Variants in ZGRF1 observed in about 807,000 individuals in gnomAD.
ZGRF1 encodes the protein zinc finger GRF-type containing 1, also known as 5'-3' DNA helicase ZGRF1.
In ZGRF1, 196 loss-of-function variants were observed where a neutral mutation model predicts 203.5. The ratio of observed to expected loss-of-function variants is 0.96; its 90% confidence interval spans 0.86 to 1.08. ZGRF1 has a LOEUF of 1.08. ZGRF1 is among the 50% of genes least tolerant of loss of function. ZGRF1 has a pLI of 0.00. For missense variants in ZGRF1, 2,326 were observed against 2,416.3 expected (o/e 0.96, Z 0.78); for synonymous variants, 809 against 841.3 (o/e 0.96, Z 0.66).
chr4:112,556,167 A>G (rs1205064874), intron 20 of ZGRF1, among the ~76,000 whole-genome samples: 1 of 152,122 alleles, frequency 6.6e-6, no homozygotes, highest in Non-Finnish European at 1.5e-5. Flanking sequence ...GGGAAATTTG[A>G]AAAGTATATT....
At chr4:112,556,413 CAG>C (rs1303534527) in intron 20 of ZGRF1, among the ~76,000 whole-genome samples, 1 of 151,758 alleles carries the variant, frequency 6.6e-6, no homozygotes, top group African/African-American at 2.4e-5. Flanking sequence ...TTTTTTGAGA[CAG>C]AGTCTCACTT....
chr4:112,558,126 C>A, intron 20 of ZGRF1, 24 bp downstream of exon 20: 1 of 1,590,756 alleles, frequency 6.3e-7, no homozygotes, highest in Non-Finnish European at 8.5e-7. Flanking sequence ...ACATTAGCTA[C>A]TTAAATGCAC....
At chr4:112,543,385 T>C (rs924887302) in intron 24 of ZGRF1, among the ~76,000 whole-genome samples, 1 of 152,240 alleles carries the variant, frequency 6.6e-6, no homozygotes, top group African/African-American at 2.4e-5. Flanking sequence ...CATTTTACTA[T>C]AATTATCCCT....
chr4:112,611,831 G>A (rs773771628), intron 7 of ZGRF1, among the ~76,000 whole-genome samples: 1 of 152,194 alleles, frequency 6.6e-6, no homozygotes, highest in African/African-American at 2.4e-5. Context: ...CTGAGAAACT[G>A]CTGTGATAAA....
At position 112,603,551 on chromosome 4, in the gene ZGRF1, G is replaced by A. The variant is rs768345385; in HGVS notation, c.2949C>T (p.Ser983=). The A allele has an allele frequency of 3.7e-6, 6 of 1,613,050 alleles. No individual in the cohort carries two copies. The South Asian group carries it at 6.6e-5, about 18-fold the overall frequency. ...GCAAGAAGTCAATCTGCATACACGT[G>A]CTAGGTAACTCTGGTGTCTCTGTCA... ...NFMTETPELP[S]TCMQIDFLQV... Residue 983 remains serine, a synonymous_variant, in exon 10 of 28, where the codon AGC becomes AGT. Transcript: ENST00000505019.
At chr4:112,636,691 T>C (rs1263053275) in intron 1 of ZGRF1, 160 bp downstream of exon 1, 1 of 152,200 alleles carries the variant, frequency 6.6e-6, no homozygotes, top group Non-Finnish European at 1.5e-5. Context: ...GAGGCACCAC[T>C]TACTACAAGC....
In ZGRF1 at chr4:112,585,730, A is replaced by T; in HGVS notation, c.3917-5T>A. 1.6e-5 allele frequency: 5 copies of T among 320,394 alleles called. No homozygotes were observed. The highest frequency in any genetic ancestry group is 2.5e-5 in the Non-Finnish European group (5 of 200,220). 19.8% of individuals were successfully genotyped at this position (320,394 alleles called of 1,614,324 possible). A position where few individuals can be genotyped will look rare whatever the true frequency, so the allele number is the denominator to read the frequency against. On this transcript the variant is annotated splice_polypyrimidine_tract_variant and splice_region_variant and intron_variant, in intron 13 of 27. Coordinates refer to ENST00000505019, the MANE Select transcript of ZGRF1 (RefSeq NM_018392.5). Reference sequence around the variant, plus strand: ...ACAGCAATATATTTAGATGTTCTACAAAAAAAAAAAAAAGAGAGCAGAAAA... The same window carrying T: ...ACAGCAATATATTTAGATGTTCTACTAAAAAAAAAAAAAGAGAGCAGAAAA...
At chr4:112,620,246 TC>T in intron 4 of ZGRF1, 56 bp from the exon 5 acceptor site, 1 of 1,413,614 alleles carries the variant, frequency 7.1e-7, no homozygotes, top group South Asian at 1.3e-5. Flanking sequence ...ATCTATGTAT[TC>T]CAGGATGCTC....
Position 112,604,021 on chromosome 4 carries a change from A to C in ZGRF1, c.2803-324T>G, listed in dbSNP as rs540919014. ...GTGGATCACTTGAGGTCAGGAGTTCAAGATCAGCCTGACCAACATGGTGAA... is the reference window on the plus strand; with the variant it reads ...GTGGATCACTTGAGGTCAGGAGTTCCAGATCAGCCTGACCAACATGGTGAA... On this transcript the variant is annotated intron_variant, in intron 9 of 27. Coordinates refer to ENST00000505019, the MANE Select transcript of ZGRF1 (RefSeq NM_018392.5). Among the ~76,000 whole-genome samples the C allele has an allele frequency of 4.6e-5, 7 of 152,214 alleles. No homozygotes were observed. The East Asian group carries it at 1.4e-3, about 29-fold the overall frequency.
At chr4:112,541,070 C>A in intron 25 of ZGRF1, 22 bp downstream of exon 25, 1 of 1,555,348 alleles carries the variant, frequency 6.4e-7, no homozygotes, top group South Asian at 1.2e-5. Flanking sequence ...TGTTGACTCT[C>A]ATCAACATTA....
At chr4:112,616,438 T>C (rs950251115) in intron 6 of ZGRF1, among the ~76,000 whole-genome samples, 6 of 148,788 alleles carry the variant, frequency 4.0e-5, no homozygotes, top group Non-Finnish European at 7.4e-5. Context: ...GGCAGGAGAA[T>C]CACTTGAACC....
At chr4:112,567,936 AAAAC>A (rs1201982683) in intron 16 of ZGRF1, among the ~76,000 whole-genome samples, 5 of 152,258 alleles carry the variant, frequency 3.3e-5, no homozygotes, top group South Asian at 2.1e-4. Flanking sequence ...TTAAAAAACA[AAAAC>A]AAACAAACAA....
chr4:112,626,281 G>A (rs1175616824), intron 3 of ZGRF1, among the ~76,000 whole-genome samples: 1 of 151,386 alleles, frequency 6.6e-6, no homozygotes, highest in Non-Finnish European at 1.5e-5. Flanking sequence ...TAAAAAAATG[G>A]TATTCTTGTC....
chr4:112,599,731 G>A (rs913842859), intron 10 of ZGRF1, among the ~76,000 whole-genome samples: 2 of 151,804 alleles, frequency 1.3e-5, no homozygotes, highest in African/African-American at 4.8e-5. Flanking sequence ...AAAAAAAAAG[G>A]AAGAAAGAAA....
At chr4:112,559,180 C>G (rs758132479) in intron 19 of ZGRF1, among the ~76,000 whole-genome samples, 16 of 152,096 alleles carry the variant, frequency 1.1e-4, no homozygotes, top group Admixed American at 5.9e-4. Context: ...CTAAAGATTT[C>G]AAGCAATGGT....
At position 112,542,291 on chromosome 4, in the gene ZGRF1, G is replaced by A. The variant is rs377562708; in HGVS notation, c.5599-1023C>T. Among the ~76,000 whole-genome samples the A allele has an allele frequency of 6.8e-4, 103 of 152,190 alleles. 3 individuals carry two copies. The South Asian group carries it at 0.02, about 29-fold the overall frequency. ...CAGGAGGCAGAGGTTGCAGTGAGCCGCTCAAATGTTAAAGAAATGACTAAA... is the reference window on the plus strand; with the variant it reads ...CAGGAGGCAGAGGTTGCAGTGAGCCACTCAAATGTTAAAGAAATGACTAAA... On this transcript the variant is annotated intron_variant, in intron 24 of 27. Transcript: ENST00000505019.
At chr4:112,624,446 G>A (rs2047163362) in intron 3 of ZGRF1, among the ~76,000 whole-genome samples, 1 of 151,162 alleles carries the variant, frequency 6.6e-6, no homozygotes, top group Admixed American at 6.6e-5. Context: ...AACAGAGTGA[G>A]ACTCCATCTC....
At position 112,560,867 on chromosome 4, in the gene ZGRF1, A is replaced by T; in HGVS notation, c.4826T>A (p.Leu1609Ter). 6.2e-7 allele frequency: 1 copy of T among 1,613,804 alleles called. No individual in the cohort carries two copies. Among genetic ancestry groups the T allele is most frequent in the Non-Finnish European group, 8.5e-7 (1 of 1,179,766 alleles). ...CTTGTTTAACTTGTGTACCTGAATC[A>T]ACTCACTAGCTAACTTCAATGTTGC... ...LGATLKLASE[L>*]IQVHKLNKDQ... The change falls in exon 19 of 28, where the codon TTG (leucine) becomes TAG (stop). Residue 1609 changes from leucine (L) to a stop codon, truncating the protein, a stop_gained. Coordinates refer to ENST00000505019, the MANE Select transcript of ZGRF1 (RefSeq NM_018392.5). LOFTEE classifies it high-confidence loss of function.
rs140847408 is a variant in ZGRF1 at position 112,612,580 on chromosome 4, G to A, written c.2611C>T (p.Pro871Ser). 31 of 1,596,200 alleles carry A rather than the reference G, an allele frequency of 1.9e-5. No individual in the cohort carries two copies. The Middle Eastern group carries it at 5.5e-4, about 29-fold the overall frequency. ...EPDSPPEVRK[P>S]FITVVSPKSP... is the part of the protein sequence containing the mutation. Reference sequence around the variant, plus strand: ...TTTGGTGAAACTACTGTAATAAATGGTTTCCTCACTGTAATGGAGAAAAGA... The same window carrying A: ...TTTGGTGAAACTACTGTAATAAATGATTTCCTCACTGTAATGGAGAAAAGA... Residue 871 changes from proline to serine, a missense_variant, in exon 7 of 28, where the codon CCA (proline) becomes TCA (serine). Coordinates refer to ENST00000505019, the MANE Select transcript of ZGRF1 (RefSeq NM_018392.5).
Sources: allele counts gnomAD v4.1 joint callset (sites outside exome capture counted in the v4.1 genomes callset), GRCh38; gene constraint gnomAD v4.1.1; transcripts MANE v1.5; gene names NCBI Gene and HGNC (gene_info 2026-07-23, HGNC 2026-07-21).